ERICH6B: variants seen among roughly 807,000 people sequenced by gnomAD.
The protein encoded by ERICH6B is glutamate-rich protein 6B.
ERICH6B carries 69 observed loss-of-function variants against 80.0 expected under a neutral mutation model. That is an observed-to-expected ratio of 0.86 (90% CI 0.71 to 1.05). The LOEUF is 1.05. Ranked by LOEUF, ERICH6B falls within the 50% of genes least tolerant of loss-of-function variation. The pLI, the probability that ERICH6B is intolerant of heterozygous loss-of-function variation, is 0.00. For synonymous variants in ERICH6B, 283 were observed against 291.9 expected (o/e 0.97, Z 0.31); for missense variants, 754 against 796.1 (o/e 0.95, Z 0.64).
intron 8 of ERICH6B, among the ~76,000 whole-genome samples, chr13:45,571,510 C>T (rs1875167636): frequency 6.6e-6 from 1 of 152,156 alleles, no homozygotes; most frequent in South Asian, 2.1e-4. Flanking sequence ...GGGGTATTGT[C>T]TACCTGCAGT....
chr13:45,566,119 T>C (rs57213888), intron 9 of ERICH6B, among the ~76,000 whole-genome samples: 17,782 of 152,122 alleles, frequency 0.12, 3,065 homozygotes, highest in African/African-American at 0.37. Context: ...TTGTGAAACT[T>C]TGAACTTGAG....
intron 7 of ERICH6B, 136 bp from the exon 8 acceptor site, chr13:45,575,066 A>T (rs1875336499): frequency 1.6e-6 from 1 of 619,346 alleles, no homozygotes; most frequent in South Asian, 2.1e-5. Context: ...ATCATCAATG[A>T]GATGTTAAAT....
intron 2 of ERICH6B, among the ~76,000 whole-genome samples, chr13:45,606,538 TA>T (rs1566307873): frequency 2.9e-3 from 47 of 16,140 alleles, no homozygotes; most frequent in Non-Finnish European, 5.9e-3. Context: ...TATATATATA[TA>T]TATATATATT....
intron 1 of ERICH6B, among the ~76,000 whole-genome samples, chr13:45,609,279 C>T (rs1156370685): frequency 1.3e-5 from 2 of 152,240 alleles, no homozygotes; most frequent in Non-Finnish European, 2.9e-5. Context: ...TGGAAATCCT[C>T]CTTCCCTTGC....
At chr13:45,554,915 G>A (rs1029816334) in intron 11 of ERICH6B, among the ~76,000 whole-genome samples, 5 of 152,202 alleles carry the variant, frequency 3.3e-5, no homozygotes, top group Admixed American at 6.5e-5. Context: ...TTTATTGCCT[G>A]TTTGTAAAAC....
chr13:45,595,444 G>A (rs1876322090), intron 3 of ERICH6B, among the ~76,000 whole-genome samples: 1 of 151,754 alleles, frequency 6.6e-6, no homozygotes, highest in Non-Finnish European at 1.5e-5. Context: ...ATCTTTAAAA[G>A]CAGGTTACAA....
intron 7 of ERICH6B, 122 bp from the exon 8 acceptor site, chr13:45,575,052 A>G: frequency 1.6e-6 from 1 of 645,088 alleles, no homozygotes. Context: ...CAAAAAATGC[A>G]TACATCATCA....
chr13:45,549,829 G>A, intron 13 of ERICH6B, 64 bp downstream of exon 13: 1 of 1,500,928 alleles, frequency 6.7e-7, no homozygotes, highest in Non-Finnish European at 8.9e-7. Flanking sequence ...CAGTCTGGGA[G>A]TCACGCTTTT....
chr13:45,543,986 C>T lies in ERICH6B; in HGVS notation c.1872+774G>A, dbSNP rs576432667. 2.0e-3 allele frequency among the ~76,000 whole-genome samples: 302 copies of T among 152,310 alleles called. 1 individual carries two copies. The highest frequency in any genetic ancestry group is 2.6e-3 in the Non-Finnish European group (174 of 68,020). On this transcript the variant is annotated intron_variant, in intron 14 of 14. Transcript: ENST00000298738. ...TTTATTGTCAGGATCATATCCTGAGCTCAAGTGAGCCTCCTGCCTCAGCAT... is the reference window on the plus strand; with the variant it reads ...TTTATTGTCAGGATCATATCCTGAGTTCAAGTGAGCCTCCTGCCTCAGCAT...
chr13:45,606,580 G>T (rs1243797923), intron 2 of ERICH6B, among the ~76,000 whole-genome samples: 1 of 103,110 alleles, frequency 9.7e-6, no homozygotes, highest in Non-Finnish European at 1.8e-5. Context: ...TGGAGACAGA[G>T]TCTCACTTTG....
chr13:45,587,058 C>G lies in ERICH6B; in HGVS notation c.856+5G>C. 6.4e-7 allele frequency: 1 copy of G among 1,550,938 alleles called. No individual in the cohort carries two copies. The highest frequency in any genetic ancestry group is 1.4e-5 in the African/African-American group (1 of 73,172). ...GCCTCACCGACAGAGCGCAGCTTCC[C>G]TCACCGGCAGTTCTGTCGTAGCACC... On this transcript the variant is annotated splice_donor_5th_base_variant and intron_variant, in intron 5 of 14. Transcript: ENST00000298738.
At chr13:45,583,987 G>C (rs1202797335) in intron 5 of ERICH6B, among the ~76,000 whole-genome samples, 2 of 152,160 alleles carry the variant, frequency 1.3e-5, no homozygotes, top group East Asian at 3.9e-4. Flanking sequence ...TGTGTACGTA[G>C]TTCTATCTAC....
chr13:45,591,955 C>T (rs916478165), intron 3 of ERICH6B, among the ~76,000 whole-genome samples: 1 of 151,822 alleles, frequency 6.6e-6, no homozygotes, highest in African/African-American at 2.4e-5. Context: ...AATAGGTGCA[C>T]AACTTATTAA....
chr13:45,569,907 A>G (rs955345730), intron 8 of ERICH6B, among the ~76,000 whole-genome samples: 1 of 152,056 alleles, frequency 6.6e-6, no homozygotes, highest in East Asian at 1.9e-4. Flanking sequence ...TAAATTCCTC[A>G]TTGTTGACAA....
At chr13:45,590,524 C>T in intron 4 of ERICH6B, 125 bp downstream of exon 4, 2 of 839,224 alleles carry the variant, frequency 2.4e-6, no homozygotes, top group Non-Finnish European at 1.8e-6. Flanking sequence ...TCCAGGAACC[C>T]CCACTAAACT....
intron 7 of ERICH6B, 64 bp downstream of exon 7, chr13:45,579,869 C>T: frequency 6.6e-7 from 1 of 1,512,002 alleles, no homozygotes; most frequent in Non-Finnish European, 9.0e-7. Flanking sequence ...CTAGGGGCAC[C>T]TTCCCCACCC....
At chr13:45,569,132 C>CT (rs879770450) in intron 8 of ERICH6B, among the ~76,000 whole-genome samples, 163 of 144,986 alleles carry the variant, frequency 1.1e-3, no homozygotes, top group African/African-American at 2.5e-3. Flanking sequence ...TACAAGGTGC[C>CT]TTTTTTTTTT....
chr13:45,606,539 A>ATATATT (rs1949865844), intron 2 of ERICH6B, among the ~76,000 whole-genome samples: 1 of 11,450 alleles, frequency 8.7e-5, no homozygotes, highest in African/African-American at 2.1e-4. Flanking sequence ...ATATATATAT[A>ATATATT]TATATATATT....
At chr13:45,579,851 G>T in intron 7 of ERICH6B, 82 bp downstream of exon 7, 1 of 1,379,098 alleles carries the variant, frequency 7.3e-7, no homozygotes, top group Non-Finnish European at 1.0e-6. Flanking sequence ...CAGAGAGGGA[G>T]CCACCTGCTA....
Sources: allele counts gnomAD v4.1 joint callset (sites outside exome capture counted in the v4.1 genomes callset), GRCh38; gene constraint gnomAD v4.1.1; transcripts MANE v1.5; gene names NCBI Gene and HGNC (gene_info 2026-07-23, HGNC 2026-07-21).